The following NIPA2 variants were observed in gnomAD, a reference collection of about 807,000 sequenced individuals.
NIPA2 encodes NIPA magnesium transporter 2.
In NIPA2, 11 loss-of-function variants were observed where a neutral mutation model predicts 29.7. The ratio of observed to expected loss-of-function variants is 0.37; its 90% CI spans 0.23 to 0.61. NIPA2 has a LOEUF of 0.61. Among genes scored for constraint, NIPA2 ranks in the 20% least tolerant of loss-of-function variants. NIPA2 has a pLI of 0.66. For synonymous variants in NIPA2, 183 were observed against 161.9 expected (o/e 1.13, Z -0.99); for missense variants, 426 against 437.9 (o/e 0.97, Z 0.24).
chr15:22,860,647 C>T lies in NIPA2; in HGVS notation c.306C>T (p.Tyr102=), dbSNP rs2058554916. The T allele has an allele frequency of 1.3e-6, 2 of 1,571,502 alleles. No homozygotes were observed. Among genetic ancestry groups the T allele is most frequent in the East Asian group, 4.7e-5 (2 of 42,934 alleles). ...ATTTTAGTGCCATTCTTTCTTCATA[C>T]TTTCTCAATGAAAGACTTAATCTTC... ...SVLVSAILSS[Y]FLNERLNLHG... Residue 102 remains tyrosine, a synonymous_variant, in exon 7 of 8, where the codon TAC becomes TAT. Transcript: ENST00000337451.
intron 3 of NIPA2, among the ~76,000 whole-genome samples, chr15:22,846,368 C>G (rs953985076): frequency 6.0e-5 from 9 of 150,184 alleles, no homozygotes; most frequent in African/African-American, 2.2e-4. Flanking sequence ...TGGTTTTTAC[C>G]AGATGTCAAG....
intron 5 of NIPA2, among the ~76,000 whole-genome samples, chr15:22,858,154 G>A (rs1353431804): frequency 6.6e-6 from 1 of 152,162 alleles, no homozygotes; most frequent in Non-Finnish European, 1.5e-5. Flanking sequence ...AGCACTTTGG[G>A]AGGCCGAGGC....
Position 22,866,865 on chromosome 15 carries a change from G to GT in NIPA2, c.*20dup. The GT allele has an allele frequency of 6.4e-7, 1 of 1,561,280 alleles. No individual in the cohort carries two copies. The highest frequency in any genetic ancestry group is 2.3e-5 in the East Asian group (1 of 44,382). On this transcript the variant is annotated 3_prime_UTR_variant, in exon 8 of 8. Coordinates refer to ENST00000337451, the MANE Select transcript of NIPA2 (RefSeq NM_030922.7). ...CTTTTTAAGAAAGGTGTAATTAAAG[G>GT]TTAATCTGTGATTGTTATGAAGTGA... is the stretch of plus-strand genomic sequence containing the variant.
chr15:22,858,273 G>A (rs562147021), intron 5 of NIPA2, among the ~76,000 whole-genome samples: 4 of 151,650 alleles, frequency 2.6e-5, no homozygotes, highest in East Asian at 2.0e-4. Flanking sequence ...GAGTGCCTGC[G>A]GTCCCAGCTA....
chr15:22,859,333 C>A (rs2058451267), intron 6 of NIPA2, among the ~76,000 whole-genome samples: 7 of 147,382 alleles, frequency 4.7e-5, no homozygotes, highest in Admixed American at 3.4e-4. Flanking sequence ...TGCTCTGTCG[C>A]CCACGCTGGA....
At chr15:22,861,600 A>C (rs34811182) in intron 7 of NIPA2, among the ~76,000 whole-genome samples, 32,517 of 151,986 alleles carry the variant, frequency 0.21, 3,706 homozygotes, top group Admixed American at 0.31. Context: ...GAAATTGAAC[A>C]GTTTATCCCT....
chr15:22,866,103 T>C, intron 7 of NIPA2, 110 bp from the exon 8 acceptor site: 2 of 877,806 alleles, frequency 2.3e-6, no homozygotes, highest in Non-Finnish European at 3.4e-6. Context: ...TGATTTTTAT[T>C]TCCAGGCCAT....
At position 22,849,448 on chromosome 15, in the gene NIPA2, G is replaced by A. The variant is rs115678163; in HGVS notation, c.-93-2191G>A. On this transcript the variant is annotated intron_variant, in intron 3 of 7. Transcript: ENST00000337451. ...GGGTACTTTTCCAAATCTGTTAAGG[G>A]AGAGGTCAGTTCTGGAAGGCTTTCG... Among the ~76,000 whole-genome samples the A allele has an allele frequency of 2.4e-3, 358 of 152,232 alleles. 1 individual carries two copies. Among genetic ancestry groups the A allele is most frequent in the African/African-American group, 7.8e-3 (322 of 41,542 alleles).
At chr15:22,854,753 C>T (rs1029655525) in intron 5 of NIPA2, among the ~76,000 whole-genome samples, 2 of 151,698 alleles carry the variant, frequency 1.3e-5, no homozygotes, top group Non-Finnish European at 2.9e-5. Flanking sequence ...TCTCAAAAAA[C>T]AAAACAAAAA....
At chr15:22,841,778 A>T (rs1897158799) in intron 2 of NIPA2, among the ~76,000 whole-genome samples, 2 of 152,126 alleles carry the variant, frequency 1.3e-5, no homozygotes. Context: ...AAGTGCTGGG[A>T]TTATAGGCGT....
chr15:22,859,484 T>G (rs1033327098), intron 6 of NIPA2, among the ~76,000 whole-genome samples: 5 of 151,988 alleles, frequency 3.3e-5, no homozygotes, highest in Non-Finnish European at 7.4e-5. Context: ...AGTAGAGATG[T>G]GGTTTCACCA....
chr15:22,864,870 C>T (rs1054249972), intron 7 of NIPA2, among the ~76,000 whole-genome samples: 3 of 151,960 alleles, frequency 2.0e-5, no homozygotes, highest in East Asian at 1.9e-4. Flanking sequence ...CTTCGGTCCT[C>T]TCTTTTTTCT....
At position 22,854,057 on chromosome 15, in the gene NIPA2, C is replaced by T. The variant is rs372249723; in HGVS notation, c.196+789C>T. Among the ~76,000 whole-genome samples the T allele has an allele frequency of 7.3e-5, 11 of 151,396 alleles. No individual in the cohort carries two copies. In the East Asian group the frequency reaches 1.6e-3, roughly 22 times the overall value. On this transcript the variant is annotated intron_variant, in intron 5 of 7. Transcript: ENST00000337451. ...GGCCAGGCTGGTCTCGATCTCTTGA[C>T]CTCGTGATCCGCCCACCTTGGCCTC... is the stretch of plus-strand genomic sequence containing the variant.
chr15:22,853,340 C>A, intron 5 of NIPA2, 72 bp downstream of exon 5: 1 of 904,880 alleles, frequency 1.1e-6, no homozygotes, highest in Non-Finnish European at 1.7e-6. Flanking sequence ...GTATTATAGC[C>A]TCATTACTAG....
intron 5 of NIPA2, among the ~76,000 whole-genome samples, chr15:22,855,214 C>T (rs1413590902): frequency 4.0e-5 from 6 of 151,408 alleles, no homozygotes; most frequent in Admixed American, 1.3e-4. Flanking sequence ...GGAGTGAGAC[C>T]AGCCTGACCA....
At chr15:22,841,950 C>G (rs555760340) in intron 2 of NIPA2, among the ~76,000 whole-genome samples, 24 of 152,274 alleles carry the variant, frequency 1.6e-4, no homozygotes, top group African/African-American at 5.5e-4. Flanking sequence ...TTTCAAAAAG[C>G]TCTTTGAAGC....
At chr15:22,863,256 C>T (rs531288536) in intron 7 of NIPA2, among the ~76,000 whole-genome samples, 2 of 151,640 alleles carry the variant, frequency 1.3e-5, no homozygotes, top group African/African-American at 4.9e-5. Flanking sequence ...ATTTTTGTAT[C>T]TTTTTTTGGT....
intron 7 of NIPA2, among the ~76,000 whole-genome samples, chr15:22,865,119 C>T (rs899711365): frequency 3.3e-5 from 5 of 152,026 alleles, no homozygotes; most frequent in African/African-American, 7.2e-5. Context: ...TCCTCGGCCT[C>T]CCAGTGCTGG....
Position 22,857,908 on chromosome 15 carries a change from GCTT to G in NIPA2, c.197-626_197-624del, listed in dbSNP as rs1162052872. Among the ~76,000 whole-genome samples, 3 of 151,144 alleles carry G rather than the reference GCTT, an allele frequency of 2.0e-5. 1 individual carries two copies. The East Asian group carries it at 5.8e-4, about 29-fold the overall frequency. On this transcript the variant is annotated intron_variant, in intron 5 of 7. Coordinates refer to ENST00000337451, the MANE Select transcript of NIPA2 (RefSeq NM_030922.7). ...GAAGAGTACCTTTACCTTCATGTCG[GCTT>G]CTTCTCAGTGATTTTTATTTACTGT... is the stretch of plus-strand genomic sequence containing the variant.
Sources: gnomAD v4.1 joint callset for allele counts (sites outside exome capture counted in the v4.1 genomes callset) on GRCh38, gnomAD v4.1.1 for gene constraint, MANE v1.5 for transcripts, NCBI Gene and HGNC (gene_info 2026-07-23, HGNC 2026-07-21) for gene names.